Variants in DMRT1 observed in about 807,000 individuals in gnomAD.
The protein encoded by DMRT1 is doublesex- and mab-3-related transcription factor 1.
A neutral mutation model predicts 32.3 loss-of-function variants in DMRT1; 7 were observed. The observed-to-expected ratio is 0.22, with a 90% CI of 0.12 to 0.41. The LOEUF is 0.41. Ranked by LOEUF, DMRT1 falls within the 10% of genes least tolerant of loss-of-function variation. DMRT1 has a pLI of 1.00. For missense variants in DMRT1, 625 were observed against 500.5 expected (o/e 1.25, Z -2.37); for synonymous variants, 278 against 206.1 (o/e 1.35, Z -2.99).
intron 2 of DMRT1, among the ~76,000 whole-genome samples, chr9:884,101 T>C (rs985159351): frequency 6.6e-6 from 1 of 152,042 alleles, no homozygotes; most frequent in African/African-American, 2.4e-5. Flanking sequence ...CTGGAAACTG[T>C]GATGTTTGGT....
intron 2 of DMRT1, among the ~76,000 whole-genome samples, chr9:854,193 C>G (rs1353952625): frequency 1.3e-5 from 2 of 151,434 alleles, no homozygotes; most frequent in African/African-American, 4.9e-5. Context: ...CATAGCTCAC[C>G]GTAGCCTCAA....
chr9:881,044 C>G (rs1258796622), intron 2 of DMRT1, among the ~76,000 whole-genome samples: 1 of 152,064 alleles, frequency 6.6e-6, no homozygotes, highest in Non-Finnish European at 1.5e-5. Flanking sequence ...CTGCCTGGGT[C>G]CCATTGCGGG....
chr9:939,708 GA>G, intron 4 of DMRT1, among the ~76,000 whole-genome samples: 1 of 152,132 alleles, frequency 6.6e-6, no homozygotes, highest in Non-Finnish European at 1.5e-5. Context: ...CTCACGGGGG[GA>G]AAAGTCAAAT....
chr9:849,829 C>CT (rs200326522), intron 2 of DMRT1, among the ~76,000 whole-genome samples: 12 of 142,156 alleles, frequency 8.4e-5, no homozygotes, highest in African/African-American at 1.8e-4. Context: ...CTCTCTCTCT[C>CT]TTTTTTTTTT....
intron 2 of DMRT1, among the ~76,000 whole-genome samples, chr9:849,250 G>T (rs192231366): frequency 6.6e-6 from 1 of 152,186 alleles, no homozygotes; most frequent in African/African-American, 2.4e-5. Context: ...ACTGGGACCA[G>T]TTGCCATGTT....
chr9:899,829 G>A (rs998586136), intron 3 of DMRT1, among the ~76,000 whole-genome samples: 1 of 152,218 alleles, frequency 6.6e-6, no homozygotes, highest in Non-Finnish European at 1.5e-5. Context: ...CTCCTTTCAG[G>A]CCCTATGGCA....
In DMRT1 at chr9:929,181, C is replaced by G. The variant is rs76394918; in HGVS notation, c.967+12274C>G. 1.6e-4 allele frequency among the ~76,000 whole-genome samples: 25 copies of G among 152,266 alleles called. No homozygotes were observed. The East Asian group carries it at 4.0e-3, about 25-fold the overall frequency. On this transcript the variant is annotated intron_variant, in intron 4 of 4. Coordinates refer to ENST00000382276, the MANE Select transcript of DMRT1 (RefSeq NM_021951.3). ...TATTTGTATTTGCTAAATCTGACAA[C>G]CTTGTACTTCATCTGTGTCTTCTCT...
chr9:937,727 T>G (rs1401248885), intron 4 of DMRT1, among the ~76,000 whole-genome samples: 2 of 152,180 alleles, frequency 1.3e-5, no homozygotes, highest in African/African-American at 4.8e-5. Context: ...TAGGAGTTCT[T>G]TATTATGTTC....
chr9:923,096 G>A (rs1353163496), intron 4 of DMRT1, among the ~76,000 whole-genome samples: 1 of 152,186 alleles, frequency 6.6e-6, no homozygotes, highest in East Asian at 1.9e-4. Flanking sequence ...GGATGACCAG[G>A]ACTGCATGCA....
intron 4 of DMRT1, among the ~76,000 whole-genome samples, chr9:923,469 G>T (rs1483399145): frequency 1.7e-5 from 1 of 57,434 alleles, no homozygotes; most frequent in African/African-American, 6.1e-5. Flanking sequence ...CTCTGTGGAG[G>T]CCACACCAGT....
chr9:962,712 C>CT, intron 4 of DMRT1, among the ~76,000 whole-genome samples: 1 of 152,246 alleles, frequency 6.6e-6, no homozygotes. Flanking sequence ...TGCGCCCCTT[C>CT]TTTCTCTTCC....
intron 4 of DMRT1, among the ~76,000 whole-genome samples, chr9:934,244 G>A (rs907912394): frequency 6.6e-6 from 1 of 151,506 alleles, no homozygotes; most frequent in Non-Finnish European, 1.5e-5. Flanking sequence ...CTCCCATTTC[G>A]TGAGTGGCCT....
At chr9:908,741 C>T (rs1817868583) in intron 3 of DMRT1, among the ~76,000 whole-genome samples, 1 of 152,108 alleles carries the variant, frequency 6.6e-6, no homozygotes, top group Admixed American at 6.6e-5. Flanking sequence ...GGATTTGCAA[C>T]TTAAAACATC....
At chr9:962,462 A>G (rs1819804761) in intron 4 of DMRT1, among the ~76,000 whole-genome samples, 1 of 147,952 alleles carries the variant, frequency 6.8e-6, no homozygotes, top group African/African-American at 2.5e-5. Context: ...TTGAGACACA[A>G]GTTGCTTGTG....
intron 2 of DMRT1, among the ~76,000 whole-genome samples, chr9:858,646 G>A (rs1387720228): frequency 2.0e-5 from 3 of 152,014 alleles, no homozygotes; most frequent in Admixed American, 2.0e-4. Flanking sequence ...GGCCGAGGCG[G>A]GCAGATCATC....
chr9:966,468 G>C lies in DMRT1; in HGVS notation c.968-1517G>C, dbSNP rs955550049. On this transcript the variant is annotated intron_variant, in intron 4 of 4. Coordinates refer to ENST00000382276, the MANE Select transcript of DMRT1 (RefSeq NM_021951.3). ...AAAAGTAACCACTTGTCAGGAAATT[G>C]CCTAAATTGTTTTTCAAATTTATTC... 3.3e-5 allele frequency among the ~76,000 whole-genome samples: 5 copies of C among 152,222 alleles called. No homozygotes were observed. In the East Asian group the frequency reaches 9.6e-4, roughly 29 times the overall value.
intron 2 of DMRT1, among the ~76,000 whole-genome samples, chr9:889,604 G>A (rs376754567): frequency 6.6e-6 from 1 of 152,162 alleles, no homozygotes; most frequent in East Asian, 1.9e-4. Context: ...CCATTCTCTT[G>A]TTACCTTCAG....
chr9:947,940 G>A (rs557906829), intron 4 of DMRT1, among the ~76,000 whole-genome samples: 1 of 152,350 alleles, frequency 6.6e-6, no homozygotes, highest in East Asian at 1.9e-4. Flanking sequence ...GGTCAGCCAT[G>A]CTGTGTTTCT....
At chr9:876,142 G>C (rs541699491) in intron 2 of DMRT1, among the ~76,000 whole-genome samples, 1 of 152,302 alleles carries the variant, frequency 6.6e-6, no homozygotes, top group East Asian at 1.9e-4. Flanking sequence ...TTCTTACCTG[G>C]TTCCGAGTAG....
Sources: allele counts gnomAD v4.1 joint callset (sites outside exome capture counted in the v4.1 genomes callset), GRCh38; gene constraint gnomAD v4.1.1; transcripts MANE v1.5; gene names NCBI Gene and HGNC (gene_info 2026-07-23, HGNC 2026-07-21).